The following F5 variants were observed in gnomAD, a reference collection of about 807,000 sequenced individuals.
The protein encoded by F5 is coagulation factor V, also known as activated protein c cofactor.
Under a neutral mutation model 216.4 loss-of-function variants are expected in F5, and 138 were observed. The ratio of observed to expected loss-of-function variants is 0.64; its 90% CI spans 0.56 to 0.73. The LOEUF is 0.73. Ranked by LOEUF, F5 falls within the 30% of genes least tolerant of loss-of-function variation. The pLI is 0.00. For missense variants in F5, 2,403 were observed against 2,674.0 expected (o/e 0.90, Z 2.24); for synonymous variants, 916 against 930.7 (o/e 0.98, Z 0.29).
chr1:169,524,922 A>G lies in F5; in HGVS notation c.5717-14T>C, dbSNP rs898616502. ...GCATCCTACAGTCTATGAAAAACAGAAAAAAAATGAATAATTTTTGCTTAG... is the reference window on the plus strand; with the variant it reads ...GCATCCTACAGTCTATGAAAAACAGGAAAAAAATGAATAATTTTTGCTTAG... On this transcript the variant is annotated splice_polypyrimidine_tract_variant and intron_variant, in intron 18 of 24. Coordinates refer to ENST00000367797, the MANE Select transcript of F5 (RefSeq NM_000130.5). The G allele has an allele frequency of 2.5e-6, 4 of 1,595,536 alleles. No individual in the cohort carries two copies. The highest frequency in any genetic ancestry group is 1.1e-5 in the South Asian group (1 of 90,590).
intron 3 of F5, among the ~76,000 whole-genome samples, chr1:169,571,288 GTCA>G (rs1204791951): frequency 6.6e-6 from 1 of 151,942 alleles, no homozygotes. Context: ...TGCCATCATT[GTCA>G]TCATTATTTA....
chr1:169,540,880 G>A lies in F5; in HGVS notation c.4210C>T (p.Pro1404Ser), dbSNP rs9332608. The change falls in exon 13 of 25, where the codon CCA becomes TCA. Residue 1404 changes from proline (P) to serine (S), a missense_variant. Coordinates refer to ENST00000367797, the MANE Select transcript of F5 (RefSeq NM_000130.5). Reference protein sequence around the residue: ...FADLSQIPLTPDLDQMTLSPD... With the variant: ...FADLSQIPLTSDLDQMTLSPD... ...GAAAGTGTCATCTGGTCGAGGTCTG[G>A]GGTAAGGGGAATTTGACTGAGATCT... 80,662 of 1,613,180 alleles carry A rather than the reference G, an allele frequency of 0.05. 3,223 individuals are homozygous for A. The highest frequency in any genetic ancestry group is 0.18 in the Admixed American group (10,503 of 59,816).
At chr1:169,559,702 T>C (rs1660418534) in intron 4 of F5, among the ~76,000 whole-genome samples, 1 of 152,146 alleles carries the variant, frequency 6.6e-6, no homozygotes, top group Non-Finnish European at 1.5e-5. Context: ...CATTAGATAA[T>C]TGGGTGGAAG....
At chr1:169,569,148 T>A (rs1660670563) in intron 3 of F5, among the ~76,000 whole-genome samples, 2 of 152,026 alleles carry the variant, frequency 1.3e-5, no homozygotes, top group Admixed American at 1.3e-4. Flanking sequence ...CTCAAGGAAG[T>A]CTCTACATAA....
In F5 at chr1:169,542,797, C is replaced by T. The variant is rs778637600; in HGVS notation, c.2293G>A (p.Val765Ile). The change falls in exon 13 of 25, where the codon GTT (valine) becomes ATT (isoleucine). Residue 765 changes from valine (V) to isoleucine (I), a missense_variant. Val to Ile is a conservative substitution (Grantham distance 29). Coordinates refer to ENST00000367797, the MANE Select transcript of F5 (RefSeq NM_000130.5). ...ACAATTATATCTGTGTTTGAAGAAA[C>T]GAATTCAGTGCCATTCTCCAGAGCT... ...ALALENGTEF[V>I]SSNTDIIVGS... is the part of the protein sequence containing the mutation. 17 of 1,613,940 alleles carry T rather than the reference C, an allele frequency of 1.1e-5. No homozygotes were observed. The highest frequency in any genetic ancestry group is 1.7e-5 in the Admixed American group (1 of 59,984).
Position 169,544,327 on chromosome 1 carries a change from T to C in F5, c.1944A>G (p.Gly648=). The C allele has an allele frequency of 6.2e-6, 10 of 1,614,068 alleles. No homozygotes were observed. The highest frequency in any genetic ancestry group is 8.5e-6 in the Non-Finnish European group (10 of 1,179,968). The change falls in exon 12 of 25, where the codon GGA becomes GGG. Residue 648 remains glycine (G), a synonymous_variant. Transcript: ENST00000367797. ...EDTLTLFPMR[G]ESVTVTMDNV... ...TATCCATTGTGACCGTCACAGATTC[T>C]CCACGCATGGGGAAGAGGGTCAAGG... is the stretch of plus-strand genomic sequence containing the variant.
chr1:169,585,610 A>C (rs534624567), intron 1 of F5, among the ~76,000 whole-genome samples: 3 of 152,208 alleles, frequency 2.0e-5, no homozygotes, highest in Non-Finnish European at 4.4e-5. Flanking sequence ...CCAGGACATG[A>C]TGAACAGAGA....
In F5 at chr1:169,541,389, T is replaced by A. The variant is rs531648500; in HGVS notation, c.3701A>T (p.Asp1234Val). ...PALGQMPISPDLSHTTLSPDL... is the reference protein window; with the variant it reads ...PALGQMPISPVLSHTTLSPDL... ...TGGAGAAAGGGTTGTATGGCTGAGG[T>A]CTGGAGAAATGGGCATCTGACCGAG... The change falls in exon 13 of 25, where the codon GAC (aspartate) becomes GTC (valine). Residue 1234 changes from aspartate to valine, a missense_variant. Physicochemically the swap from Asp to Val is radical, Grantham distance 152. Transcript: ENST00000367797. The A allele has an allele frequency of 6.2e-7, 1 of 1,612,016 alleles. No homozygotes were observed. The highest frequency in any genetic ancestry group is 1.1e-5 in the South Asian group (1 of 90,908).
Position 169,524,888 on chromosome 1 carries a change from G to T in F5, c.5737C>A (p.Leu1913Ile). 6.2e-7 allele frequency: 1 copy of T among 1,613,444 alleles called. No homozygotes were observed. ...GAATCAGATATGATACCAGTGCTTA[G>T]TCCCATTGGCATCCTACAGTCTATG... ...MDRDCRMPMG[L>I]STGIISDSQI... The change falls in exon 19 of 25, where the codon CTA becomes ATA. Residue 1913 changes from leucine (L) to isoleucine (I), a missense_variant. Leu to Ile is a conservative substitution (Grantham distance 5). This residue lies in a region of F5 where 659 missense variants were observed against 787.9 expected (regional missense o/e 0.84). Transcript: ENST00000367797.
chr1:169,558,204 A>G (rs1660375612), intron 5 of F5, among the ~76,000 whole-genome samples: 1 of 149,748 alleles, frequency 6.7e-6, no homozygotes, highest in African/African-American at 2.5e-5. Context: ...GTAGTCTGAT[A>G]ATCTGAAGTC....
At chr1:169,562,911 C>A (rs930153910) in intron 3 of F5, among the ~76,000 whole-genome samples, 1 of 151,922 alleles carries the variant, frequency 6.6e-6, no homozygotes, top group African/African-American at 2.4e-5. Flanking sequence ...ACTTCTGGAA[C>A]TTTTCATTCC....
chr1:169,585,956 A>C (rs986576882), intron 1 of F5, among the ~76,000 whole-genome samples: 57 of 152,290 alleles, frequency 3.7e-4, no homozygotes, highest in Middle Eastern at 3.4e-3. Context: ...CAAACATACT[A>C]ACAAAACTGT....
rs759369619 is a variant in F5 at position 169,549,881 on chromosome 1, T to C, written c.1531A>G (p.Ile511Val). ...LTRPYYSDVD[I>V]MRDIASGLIG... The stretch of plus-strand genomic sequence containing the variant: ...AGCCCAGAGGCGATGTCTCTCATGA[T>C]GTCCACGTCACTGTAGTATGGTCTT... The change falls in exon 10 of 25, where the codon ATC becomes GTC. Residue 511 changes from isoleucine to valine, a missense_variant. Transcript: ENST00000367797. 3.7e-6 allele frequency: 6 copies of C among 1,614,184 alleles called. No homozygotes were observed. Among genetic ancestry groups the C allele is most frequent in the South Asian group, 1.1e-5 (1 of 91,084 alleles).
chr1:169,583,705 C>T (rs537687111), intron 1 of F5, among the ~76,000 whole-genome samples: 39 of 152,338 alleles, frequency 2.6e-4, no homozygotes, highest in Non-Finnish European at 4.7e-4. Flanking sequence ...CTTTACCCTT[C>T]AGGTTTTCTC....
intron 2 of F5, among the ~76,000 whole-genome samples, chr1:169,575,827 C>T (rs4656694): frequency 0.25 from 37,234 of 151,848 alleles, 5,364 homozygotes; most frequent in South Asian, 0.36. Context: ...GAGATGTCCA[C>T]GTCCTAATCT....
intron 21 of F5, among the ~76,000 whole-genome samples, chr1:169,520,865 A>C (rs2101804947): frequency 6.6e-6 from 1 of 152,290 alleles, no homozygotes; most frequent in East Asian, 1.9e-4. Context: ...CCTCCTGCTA[A>C]GTACAACTAA....
rs1192863689 is a variant in F5, at chr1:169,586,366, G to A, written c.21C>T (p.Arg7=). Residue 7 remains arginine, a synonymous_variant, in exon 1 of 25, where the codon CGC becomes CGT. Coordinates refer to ENST00000367797, the MANE Select transcript of F5 (RefSeq NM_000130.5). ...TGCCCAAGACCACCAGGACCCAGAG[G>A]CGTGGGCAGCCTGGGAACATGCTTC... is the stretch of plus-strand genomic sequence containing the variant. MFPGCP[R]LWVLVVLGTS... 1.2e-6 allele frequency: 2 copies of A among 1,613,704 alleles called. No individual in the cohort carries two copies. Among genetic ancestry groups the A allele is most frequent in the South Asian group, 1.1e-5 (1 of 91,076 alleles).
At chr1:169,533,510 A>T (rs956006810) in intron 14 of F5, among the ~76,000 whole-genome samples, 20 of 152,246 alleles carry the variant, frequency 1.3e-4, no homozygotes, top group African/African-American at 4.8e-4. Context: ...ACAAAGGTCT[A>T]ATATCCAGAA....
chr1:169,569,090 A>T (rs1660669725), intron 3 of F5, among the ~76,000 whole-genome samples: 1 of 152,080 alleles, frequency 6.6e-6, no homozygotes, highest in Non-Finnish European at 1.5e-5. Flanking sequence ...GATTTATTAA[A>T]TATACAAACT....
Sources: allele counts gnomAD v4.1 joint callset (sites outside exome capture counted in the v4.1 genomes callset), GRCh38; gene constraint gnomAD v4.1.1; regional missense constraint gnomAD v4.1.1; transcripts MANE v1.5; gene names NCBI Gene and HGNC (gene_info 2026-07-23, HGNC 2026-07-21).